Variants in GALK1 observed in about 807,000 individuals in gnomAD.
GALK1 encodes galactokinase 1.
In GALK1, 30 loss-of-function variants were observed where a neutral mutation model predicts 38.6. That is an observed-to-expected ratio of 0.78 (90% CI 0.58 to 1.05). GALK1 has a LOEUF of 1.05. Among genes scored for constraint, GALK1 ranks in the 50% least tolerant of loss-of-function variants. The probability of loss-of-function intolerance (pLI) is 0.00; values close to 1 mark genes in which losing one functional copy is unlikely to be tolerated. For missense variants in GALK1, 512 were observed against 540.5 expected (o/e 0.95, Z 0.52); for synonymous variants, 240 against 233.6 (o/e 1.03, Z -0.25).
downstream of GALK1, chr17:75,756,486 A>G (rs1458363580): frequency 1.2e-6 from 2 of 1,612,596 alleles, no homozygotes; most frequent in Non-Finnish European, 1.7e-6. Flanking sequence ...GTGGTGGAAG[A>G]CCTCCTGCCC....
At chr17:75,756,386 G>A (rs201144354), downstream of GALK1, 5 of 1,606,310 alleles carry the variant, frequency 3.1e-6, no homozygotes, top group African/African-American at 1.3e-5. Flanking sequence ...CCAGGGGTGG[G>A]AGTAACACTG....
At chr17:75,756,504 C>T (rs755175595), downstream of GALK1, 2 of 1,613,386 alleles carry the variant, frequency 1.2e-6, no homozygotes, top group Non-Finnish European at 1.7e-6. Context: ...CCCAACCACT[C>T]CTACGTGTTC....
Position 75,757,988 on chromosome 17 carries a change from C to G in GALK1, c.*68G>C. The G allele has an allele frequency of 1.9e-6, 3 of 1,554,428 alleles. No individual in the cohort carries two copies. The Admixed American group carries it at 5.2e-5, about 27-fold the overall frequency. On this transcript the variant is annotated 3_prime_UTR_variant, in exon 8 of 8. Coordinates refer to ENST00000588479, the MANE Select transcript of GALK1 (RefSeq NM_000154.2). ...GAGCACCCGGATATGGAAGATGGCA[C>G]CGGGCACAGAGCCGTGGGACTGGCC...
downstream of GALK1, chr17:75,755,946 C>T: frequency 2.8e-6 from 4 of 1,447,320 alleles, no homozygotes; most frequent in South Asian, 1.2e-5. Context: ...AGGAACCCAC[C>T]CAAGTCCCTT....
chr17:75,758,428 G>T, intron 6 of GALK1, 21 bp downstream of exon 6: 1 of 1,574,592 alleles, frequency 6.4e-7, no homozygotes. Flanking sequence ...CGGCAGGAGC[G>T]GGGCGCCCAG....
At position 75,752,587 on chromosome 17, in the gene GALK1, G is replaced by A. The variant is rs1283205035; in HGVS notation, c.*23-850C>T. ...GTCTCCGATGACACTGGTGAGTGGA[G>A]ACCTGGGACCCACAAGAGGACAGTG... On this transcript the variant is annotated intron_variant, in intron 8 of 8. Coordinates refer to the GALK1 transcript ENST00000225614. 3 of 1,613,356 alleles carry A rather than the reference G, an allele frequency of 1.9e-6. No individual in the cohort carries two copies. In the South Asian group the frequency reaches 3.3e-5, roughly 18 times the overall value.
At chr17:75,763,668 C>G (rs1390967497) in intron 2 of GALK1, 1 of 693,582 alleles carries the variant, frequency 1.4e-6, no homozygotes, top group Non-Finnish European at 2.5e-6. Flanking sequence ...GTTTAGGGCT[C>G]TGGAGGGAAA....
At chr17:75,757,132 C>G (rs1450067777), downstream of GALK1, 1 of 1,612,740 alleles carries the variant, frequency 6.2e-7, no homozygotes, top group African/African-American at 1.3e-5. Flanking sequence ...TTTCCTTCAC[C>G]CCCACCCCTC....
At chr17:75,752,401 CAG>C (rs1337750983) in intron 8 of GALK1, 5 of 1,612,560 alleles carry the variant, frequency 3.1e-6, no homozygotes, top group Non-Finnish European at 4.2e-6. Flanking sequence ...GGCAGGGGGG[CAG>C]GGGGCAGCAG....
Position 75,757,990 on chromosome 17 carries a change from G to A in GALK1, c.*66C>T, listed in dbSNP as rs147878654. 83 of 1,558,626 alleles carry A rather than the reference G, an allele frequency of 5.3e-5. No homozygotes were observed. The highest frequency in any genetic ancestry group is 1.4e-4 in the South Asian group (12 of 88,720). On this transcript the variant is annotated 3_prime_UTR_variant, in exon 8 of 8. Transcript: ENST00000588479. ...GCACCCGGATATGGAAGATGGCACC[G>A]GGCACAGAGCCGTGGGACTGGCCTG... is the stretch of plus-strand genomic sequence containing the variant.
At position 75,758,094 on chromosome 17, in the gene GALK1, A is replaced by T; in HGVS notation, c.1141T>A (p.Ser381Thr). The change falls in exon 8 of 8, where the codon TCT becomes ACT. Residue 381 changes from serine (S) to threonine (T), a missense_variant. By Grantham distance (58) the Ser-to-Thr change is moderately conservative. Coordinates refer to ENST00000588479, the MANE Select transcript of GALK1 (RefSeq NM_000154.2). ...ACCTTGGCTCCATCGGCTGCTTGAG[A>T]GAGGTAGAAGGTGGCAGTCCCGCCG... Reference protein sequence around the residue: ...HYGGTATFYLSQAADGAKVLC... With the variant: ...HYGGTATFYLTQAADGAKVLC... 3.7e-6 allele frequency: 6 copies of T among 1,612,228 alleles called. No individual in the cohort carries two copies. The highest frequency in any genetic ancestry group is 5.1e-6 in the Non-Finnish European group (6 of 1,179,884).
Position 75,763,448 on chromosome 17 carries a change from G to T in GALK1, c.356-9C>A, listed in dbSNP as rs560180991. The T allele has an allele frequency of 2.5e-6, 4 of 1,583,994 alleles. No homozygotes were observed. The African/African-American group carries it at 4.0e-5, about 16-fold the overall frequency. On this transcript the variant is annotated splice_polypyrimidine_tract_variant and intron_variant, in intron 2 of 7. Transcript: ENST00000588479. ...GCCAGGGAGGGGGGCAGCTGCAGGG[G>T]AAAGAACAGGTGATGGTAAGAGGGG...
chr17:75,757,228 C>T (rs766721134), downstream of GALK1: 10 of 1,611,918 alleles, frequency 6.2e-6, no homozygotes, highest in Middle Eastern at 1.6e-4. Flanking sequence ...GCAGCCGTGC[C>T]GGGCTCTTCC....
At chr17:75,756,095 A>G (rs2061494038), downstream of GALK1, among the ~76,000 whole-genome samples, 1 of 152,164 alleles carries the variant, frequency 6.6e-6, no homozygotes, top group Admixed American at 6.5e-5. Flanking sequence ...TTTGCCTAAC[A>G]AGGCCCCTTT....
intron 8 of GALK1, chr17:75,752,469 A>G: frequency 6.2e-7 from 1 of 1,613,512 alleles, no homozygotes; most frequent in Non-Finnish European, 8.5e-7. Flanking sequence ...TGACATCCCT[A>G]TCGTGGACGC....
chr17:75,756,668 A>G (rs1361363436), downstream of GALK1: 2 of 1,611,720 alleles, frequency 1.2e-6, no homozygotes, highest in South Asian at 2.2e-5. Context: ...CCCACCACCC[A>G]CCCACAGGCT....
rs35008831 is a variant in GALK1 at position 75,762,957 on chromosome 17, TC to T, written c.611+56del. 1,611,826 of 1,611,828 alleles carry T rather than the reference TC, an allele frequency of 1. 805,912 individuals are homozygous for T. The highest frequency in any genetic ancestry group is 1 in the Middle Eastern group (6,062 of 6,062). On this transcript the variant is annotated intron_variant, in intron 4 of 7. Transcript: ENST00000588479. ...TTGCTGCGCCAGGCAGTGGGCACAC[TC>T]CCACCCAGGAGCTGCTGAGTGCAGG... is the stretch of plus-strand genomic sequence containing the variant.
downstream of GALK1, chr17:75,757,334 C>T (rs751037292): frequency 1.9e-6 from 3 of 1,612,712 alleles, no homozygotes; most frequent in East Asian, 4.5e-5. Context: ...GCTAGGGGAT[C>T]CCGGCTCTCC....
chr17:75,757,014 A>T, downstream of GALK1: 1 of 1,612,824 alleles, frequency 6.2e-7, no homozygotes, highest in Non-Finnish European at 8.5e-7. Context: ...CCTCAGCGAG[A>T]ACGTGCCCTA....
Sources: allele counts gnomAD v4.1 joint callset (sites outside exome capture counted in the v4.1 genomes callset), GRCh38; gene constraint gnomAD v4.1.1; transcripts MANE v1.5; gene names NCBI Gene and HGNC (gene_info 2026-07-23, HGNC 2026-07-21).